CD96: variants seen among roughly 807,000 people sequenced by gnomAD.
CD96 encodes CD96 molecule.
Under a neutral mutation model 71.3 loss-of-function variants are expected in CD96, and 70 were observed. The ratio of observed to expected loss-of-function variants is 0.98; its 90% CI spans 0.81 to 1.20. The LOEUF (loss-of-function observed/expected upper bound fraction) is 1.20, where lower values mean the gene tolerates loss of function less well. Ranked by LOEUF, CD96 falls within the 50% of genes most tolerant of loss-of-function variation. The pLI is 0.00. For synonymous variants in CD96, 248 were observed against 233.0 expected, an observed-to-expected ratio of 1.06 and a Z score of -0.59; for missense variants, 742 against 677.5, an observed-to-expected ratio of 1.10 and a Z score of -1.06.
At chr3:111,607,110 G>C in intron 8 of CD96, 1 of 329,390 alleles carries the variant, frequency 3.0e-6, no homozygotes, top group Non-Finnish European at 5.7e-6. Context: ...GCTTCAAAGA[G>C]TTAACATAGC....
chr3:111,597,862 C>T (rs1937329607), intron 5 of CD96, among the ~76,000 whole-genome samples: 1 of 152,170 alleles, frequency 6.6e-6, no homozygotes, highest in Non-Finnish European at 1.5e-5. Flanking sequence ...AGAATCCAGA[C>T]TTGGAACATT....
chr3:111,570,600 A>G, intron 3 of CD96: 1 of 1,546,416 alleles, frequency 6.5e-7, no homozygotes, highest in Non-Finnish European at 8.9e-7. Context: ...TAAGGGATCA[A>G]CAGGTGAGAT....
downstream of CD96, among the ~76,000 whole-genome samples, chr3:111,653,954 C>A (rs1559782806): frequency 1.3e-5 from 2 of 152,014 alleles, no homozygotes; most frequent in African/African-American, 4.8e-5. Context: ...AGAGATTAAT[C>A]AAGATCAGAA....
At chr3:111,629,068 T>C (rs1375105640) in intron 10 of CD96, among the ~76,000 whole-genome samples, 1 of 152,180 alleles carries the variant, frequency 6.6e-6, no homozygotes, top group African/African-American at 2.4e-5. Context: ...AACGCTGAAG[T>C]ATACAGGCCA....
intron 10 of CD96, among the ~76,000 whole-genome samples, chr3:111,626,041 C>T (rs1398039731): frequency 2.6e-5 from 4 of 152,078 alleles, no homozygotes; most frequent in South Asian, 4.1e-4. Flanking sequence ...CAGTGGCTCA[C>T]GCCTGTAATC....
At chr3:111,604,717 G>A (rs1425843235) in intron 7 of CD96, among the ~76,000 whole-genome samples, 1 of 152,198 alleles carries the variant, frequency 6.6e-6, no homozygotes, top group Non-Finnish European at 1.5e-5. Context: ...TGTGGAAACT[G>A]AGCATAACGC....
chr3:111,545,624 T>C (rs939890650), intron 2 of CD96, among the ~76,000 whole-genome samples: 1 of 152,206 alleles, frequency 6.6e-6, no homozygotes, highest in African/African-American at 2.4e-5. Flanking sequence ...TGTAACAGTC[T>C]TGTGAAGGAG....
intron 2 of CD96, among the ~76,000 whole-genome samples, chr3:111,552,025 T>G (rs905910121): frequency 2.6e-5 from 4 of 152,228 alleles, no homozygotes; most frequent in Admixed American, 1.3e-4. Context: ...CTTGTAGTTT[T>G]GATTTGCATT....
chr3:111,657,642 G>A (rs976171511), intron 14 of CD96, among the ~76,000 whole-genome samples: 1 of 152,076 alleles, frequency 6.6e-6, no homozygotes, highest in African/African-American at 2.4e-5. Context: ...TGTTGTCATT[G>A]GGTGCCCAGG....
rs941176201 is a variant in CD96 at position 111,650,413 on chromosome 3, C to T, written c.*607C>T. 6.3e-6 allele frequency: 1 copy of T among 159,330 alleles called. No individual in the cohort carries two copies. Among genetic ancestry groups the T allele is most frequent in the Admixed American group, 5.9e-5 (1 of 17,054 alleles). 9.9% of individuals were successfully genotyped at this position (159,330 alleles called of 1,614,324 possible). A position where few individuals can be genotyped will look rare whatever the true frequency, so the allele number is the denominator to read the frequency against. ...GTCTTCCTACCATGTTCAGCCCAGA[C>T]TCCTGCCACATGGACCAGGATGAAG... is the stretch of plus-strand genomic sequence containing the variant. On this transcript the variant is annotated 3_prime_UTR_variant, in exon 14 of 14. Coordinates refer to ENST00000352690, the MANE Select transcript of CD96 (RefSeq NM_005816.5).
intron 2 of CD96, among the ~76,000 whole-genome samples, chr3:111,562,690 T>C (rs1935512462): frequency 6.6e-6 from 1 of 152,246 alleles, no homozygotes; most frequent in Non-Finnish European, 1.5e-5. Flanking sequence ...TAGATTTGTG[T>C]GTCAATCAGG....
At chr3:111,588,184 C>G (rs1936802993) in intron 5 of CD96, among the ~76,000 whole-genome samples, 1 of 152,162 alleles carries the variant, frequency 6.6e-6, no homozygotes, top group Admixed American at 6.5e-5. Context: ...TAACAGCACC[C>G]AAGTTACCTC....
At chr3:111,611,359 A>G (rs906600869) in intron 8 of CD96, among the ~76,000 whole-genome samples, 1 of 152,228 alleles carries the variant, frequency 6.6e-6, no homozygotes, top group Admixed American at 6.5e-5. Flanking sequence ...ATGAGTAAGC[A>G]TGTCAGAAAT....
intron 5 of CD96, among the ~76,000 whole-genome samples, chr3:111,591,244 G>A (rs148339250): frequency 8.7e-4 from 133 of 152,044 alleles, no homozygotes; most frequent in African/African-American, 3.0e-3. Flanking sequence ...GTGGTGGCAC[G>A]CACCTGTAGT....
intron 7 of CD96, 38 bp from the exon 8 acceptor site, chr3:111,606,662 T>C (rs747633895): frequency 2.1e-6 from 2 of 970,632 alleles, no homozygotes; most frequent in Non-Finnish European, 1.7e-6. Context: ...TTGATTACAA[T>C]ATTTTGTTCA....
chr3:111,647,940 C>A (rs1939910251), intron 13 of CD96, among the ~76,000 whole-genome samples: 1 of 152,124 alleles, frequency 6.6e-6, no homozygotes, highest in Admixed American at 6.6e-5. Context: ...GAGAACTGAG[C>A]CTCACCTCTC....
chr3:111,618,065 T>A (rs1938333143), intron 8 of CD96, among the ~76,000 whole-genome samples: 1 of 152,240 alleles, frequency 6.6e-6, no homozygotes, highest in African/African-American at 2.4e-5. Context: ...AGCCTGGAGA[T>A]TCCCACCCTG....
chr3:111,543,016 G>C (rs988029791), intron 1 of CD96, among the ~76,000 whole-genome samples: 1 of 152,134 alleles, frequency 6.6e-6, no homozygotes, highest in African/African-American at 2.4e-5. Flanking sequence ...AATCAAAAGA[G>C]ATTTGGAATA....
At chr3:111,620,880 A>G (rs1462270485) in intron 8 of CD96, among the ~76,000 whole-genome samples, 5 of 152,232 alleles carry the variant, frequency 3.3e-5, no homozygotes, top group South Asian at 2.1e-4. Flanking sequence ...GTAGAATCAA[A>G]TGAGTGAGTT....
Sources: gnomAD v4.1 joint callset for allele counts (sites outside exome capture counted in the v4.1 genomes callset) on GRCh38, gnomAD v4.1.1 for gene constraint, MANE v1.5 for transcripts, NCBI Gene and HGNC (gene_info 2026-07-23, HGNC 2026-07-21) for gene names.